The following HIVEP1 variants were observed in gnomAD, a reference collection of about 807,000 sequenced individuals.
The protein encoded by HIVEP1 is HIVEP zinc finger 1, also known as zinc finger protein 40.
In HIVEP1, 36 loss-of-function variants were observed where a neutral mutation model predicts 180.0. The observed-to-expected ratio is 0.20, with a 90% CI of 0.15 to 0.26. The LOEUF is 0.26. HIVEP1 is among the 10% of genes least tolerant of loss of function. HIVEP1 has a pLI of 1.00. For missense variants in HIVEP1, 3,143 were observed against 3,268.7 expected, an observed-to-expected ratio of 0.96 and a Z score of 0.94; for synonymous variants, 1,239 against 1,239.0, an observed-to-expected ratio of 1.00 and a Z score of 0.00.
chr6:12,066,981 TAATA>T (rs1391109308), intron 2 of HIVEP1, among the ~76,000 whole-genome samples: 1 of 152,002 alleles, frequency 6.6e-6, no homozygotes, highest in Non-Finnish European at 1.5e-5. Context: ...ACAACAATAA[TAATA>T]GTAATGTGGA....
the HIVEP1 span, among the ~76,000 whole-genome samples, chr6:12,197,446 C>T: frequency 6.6e-6 from 1 of 150,960 alleles, no homozygotes; most frequent in Non-Finnish European, 1.5e-5. Context: ...GTAATCCCAG[C>T]TACTCGGGAG....
At chr6:12,172,374 A>G in the HIVEP1 span, among the ~76,000 whole-genome samples, 1 of 152,198 alleles carries the variant, frequency 6.6e-6, no homozygotes, top group African/African-American at 2.4e-5. Context: ...AAGGATGGAA[A>G]AGTGGAAATT....
chr6:12,031,933 G>A (rs115348457), intron 2 of HIVEP1, among the ~76,000 whole-genome samples: 2,308 of 152,236 alleles, frequency 0.015, 25 homozygotes, highest in Middle Eastern at 0.027. Context: ...GCAGTGTCCT[G>A]GGCCCTCATA....
chr6:12,163,513 G>C lies in HIVEP1; in HGVS notation c.7209G>C (p.Gly2403=), dbSNP rs991688118. 17 of 1,614,062 alleles carry C rather than the reference G, an allele frequency of 1.1e-5. No homozygotes were observed. The highest frequency in any genetic ancestry group is 1.4e-5 in the Non-Finnish European group (16 of 1,180,034). ...RTPYNMVPVG[G]IHVVPAGLTY... is the part of the protein sequence containing the mutation. ...CTTATAATATGGTTCCAGTTGGGGGGATCCATGTGGTACCTGCTGGCCTCA... is the reference window on the plus strand; with the variant it reads ...CTTATAATATGGTTCCAGTTGGGGGCATCCATGTGGTACCTGCTGGCCTCA... Residue 2403 remains glycine, a synonymous_variant, in exon 9 of 9, where the codon GGG becomes GGC. Transcript: ENST00000379388.
the HIVEP1 span, among the ~76,000 whole-genome samples, chr6:12,181,113 C>A: frequency 6.6e-6 from 1 of 152,138 alleles, no homozygotes; most frequent in Non-Finnish European, 1.5e-5. Flanking sequence ...GTAATCCCAG[C>A]ACTTTGGGAG....
Position 12,124,000 on chromosome 6 carries a change from C to A in HIVEP1, c.4205C>A (p.Thr1402Asn), listed in dbSNP as rs769278822. Residue 1402 changes from threonine (T) to asparagine (N), a missense_variant, in exon 4 of 9, where the codon ACT becomes AAT. By Grantham distance (65) the Thr-to-Asn change is moderately conservative (BLOSUM62 0). This residue lies in a region of HIVEP1 where 1,357 missense variants were observed against 1,260.5 expected (regional missense o/e 1.08). Coordinates refer to ENST00000379388, the MANE Select transcript of HIVEP1 (RefSeq NM_002114.4). ...ACCCCACCCCAGACAACACCACTTA[C>A]TGAATTGCAGCCTCCATCTTCACCT... is the stretch of plus-strand genomic sequence containing the variant. ...SITPPQTTPL[T>N]ELQPPSSPSR... 1 of 1,614,156 alleles carries A rather than the reference C, an allele frequency of 6.2e-7. No homozygotes were observed. Among genetic ancestry groups the A allele is most frequent in the Non-Finnish European group, 8.5e-7 (1 of 1,180,024 alleles).
In HIVEP1 at chr6:12,123,854, T is replaced by C. The variant is rs781583320; in HGVS notation, c.4059T>C (p.Thr1353=). Residue 1353 remains threonine, a synonymous_variant, in exon 4 of 9, where the codon ACT becomes ACC. Transcript: ENST00000379388. ...EFLMIPAGLN[T]LNVPGCHREM... is the part of the protein sequence containing the mutation. ...TTATGATTCCAGCTGGCTTGAATAC[T>C]CTGAATGTTCCTGGATGTCACCGGG... 5.6e-5 allele frequency: 91 copies of C among 1,614,068 alleles called. No homozygotes were observed. Among genetic ancestry groups the C allele is most frequent in the African/African-American group, 1.3e-5 (1 of 74,938 alleles).
the HIVEP1 span, among the ~76,000 whole-genome samples, chr6:12,204,318 C>T: frequency 1.1e-4 from 7 of 63,870 alleles, no homozygotes; most frequent in Non-Finnish European, 1.8e-4. Context: ...GTTGCCAGCA[C>T]CACGGCACCC....
chr6:12,165,045 A>T, downstream of HIVEP1: 1 of 477,084 alleles, frequency 2.1e-6, no homozygotes, highest in South Asian at 1.6e-5. Flanking sequence ...GTGATCAGTG[A>T]TCTGCATTTG....
At chr6:12,139,135 A>G (rs1222679779) in intron 7 of HIVEP1, among the ~76,000 whole-genome samples, 1 of 151,802 alleles carries the variant, frequency 6.6e-6, no homozygotes, top group East Asian at 1.9e-4. Context: ...CCTTTGCTTA[A>G]AAGCCCCAGG....
chr6:12,036,336 GA>G (rs1232858499), intron 2 of HIVEP1, among the ~76,000 whole-genome samples: 1 of 152,174 alleles, frequency 6.6e-6, no homozygotes, highest in Non-Finnish European at 1.5e-5. Flanking sequence ...AAATCCTGTG[GA>G]AACATGAAAA....
chr6:12,133,164 C>T (rs1581754710), intron 6 of HIVEP1, among the ~76,000 whole-genome samples: 1 of 152,168 alleles, frequency 6.6e-6, no homozygotes, highest in African/African-American at 2.4e-5. Flanking sequence ...GTAATGCTTA[C>T]AAATCCATAA....
In HIVEP1 at chr6:12,163,699, A is replaced by C. The variant is rs1760557790; in HGVS notation, c.7395A>C (p.Pro2465=). The stretch of plus-strand genomic sequence containing the variant: ...TGGCTGAATTAAGCAGTGTTGTGCC[A>C]TGTATTCCTATCGGCCAAATCCGCG... ...AGVAELSSVV[P]CIPIGQIRVP... The change falls in exon 9 of 9, where the codon CCA becomes CCC. Residue 2465 remains proline (P), a synonymous_variant. Transcript: ENST00000379388. 6.2e-7 allele frequency: 1 copy of C among 1,614,138 alleles called. No homozygotes were observed. Among genetic ancestry groups the C allele is most frequent in the Admixed American group, 1.7e-5 (1 of 60,002 alleles).
intron 2 of HIVEP1, among the ~76,000 whole-genome samples, chr6:12,073,724 A>G (rs1561913377): frequency 6.6e-6 from 1 of 152,174 alleles, no homozygotes; most frequent in African/African-American, 2.4e-5. Context: ...CATATAGGCT[A>G]TTCTGCCATT....
chr6:12,075,571 A>G (rs1772297019), intron 2 of HIVEP1, among the ~76,000 whole-genome samples: 1 of 149,786 alleles, frequency 6.7e-6, no homozygotes, highest in South Asian at 2.1e-4. Context: ...TTCAGTTTTT[A>G]AAAAATTTCA....
intron 3 of HIVEP1, among the ~76,000 whole-genome samples, chr6:12,098,570 AAAAG>A (rs1773906030): frequency 6.6e-6 from 1 of 152,244 alleles, no homozygotes; most frequent in South Asian, 2.1e-4. Flanking sequence ...TATGAGACCA[AAAAG>A]AAAGAAAGAG....
intron 3 of HIVEP1, among the ~76,000 whole-genome samples, chr6:12,096,794 G>C (rs1561935353): frequency 6.6e-6 from 1 of 151,842 alleles, no homozygotes; most frequent in Non-Finnish European, 1.5e-5. Flanking sequence ...TTGTAATTAG[G>C]GATGACAAAG....
At chr6:12,059,368 T>TG (rs1227166973) in intron 2 of HIVEP1, among the ~76,000 whole-genome samples, 1 of 150,180 alleles carries the variant, frequency 6.7e-6, no homozygotes, top group Non-Finnish European at 1.5e-5. Context: ...CTACATTTTT[T>TG]GGGGGGCGGG....
At chr6:12,080,628 T>A (rs1009460059) in intron 2 of HIVEP1, among the ~76,000 whole-genome samples, 2 of 152,152 alleles carry the variant, frequency 1.3e-5, no homozygotes, top group African/African-American at 2.4e-5. Flanking sequence ...TGATCTATGA[T>A]CTTAAAGTAC....
Sources: gnomAD v4.1 joint callset for allele counts (sites outside exome capture counted in the v4.1 genomes callset) on GRCh38, gnomAD v4.1.1 for gene constraint, gnomAD v4.1.1 regional missense constraint, MANE v1.5 for transcripts, NCBI Gene and HGNC (gene_info 2026-07-23, HGNC 2026-07-21) for gene names.